Variants in SLC40A1 observed in about 807,000 individuals in gnomAD.
SLC40A1 encodes the protein ferroportin.
A neutral mutation model predicts 53.5 loss-of-function variants in SLC40A1; 16 were observed. That is an observed-to-expected ratio of 0.30 (90% CI 0.20 to 0.45). SLC40A1 has a LOEUF of 0.45. SLC40A1 is among the 20% of genes least tolerant of loss of function. The probability of loss-of-function intolerance (pLI) is 1.00; values close to 1 mark genes in which losing one functional copy is unlikely to be tolerated. For missense variants in SLC40A1, 545 were observed against 695.4 expected (o/e 0.78, Z 2.43); for synonymous variants, 247 against 253.2 (o/e 0.98, Z 0.23).
chr2:189,574,875 A>G (rs961305480), intron 3 of SLC40A1, among the ~76,000 whole-genome samples: 3 of 152,222 alleles, frequency 2.0e-5, no homozygotes, highest in African/African-American at 7.2e-5. Context: ...AATGTTTAAC[A>G]TGGTTCTCAG....
At chr2:189,575,048 C>A (rs1430914503) in intron 3 of SLC40A1, 113 bp downstream of exon 3, 3 of 1,205,524 alleles carry the variant, frequency 2.5e-6, no homozygotes, top group Middle Eastern at 2.1e-4. Flanking sequence ...TCAAGTGTGG[C>A]ATGCAGACAT....
At chr2:189,575,365 C>A (rs763155965) in intron 2 of SLC40A1, 45 bp from the exon 3 acceptor site, 1 of 1,607,326 alleles carries the variant, frequency 6.2e-7, no homozygotes, top group Non-Finnish European at 8.5e-7. Context: ...TTTTTCGTTT[C>A]TAGTCTATTG....
At chr2:189,573,363 T>C (rs1024687656) in intron 3 of SLC40A1, among the ~76,000 whole-genome samples, 2 of 152,238 alleles carry the variant, frequency 1.3e-5, no homozygotes, top group African/African-American at 4.8e-5. Context: ...TTATGAAATC[T>C]ACAACCTCCT....
rs2031434141 is a variant in SLC40A1, at chr2:189,580,533, C to T, written c.-73G>A. On this transcript the variant is annotated 5_prime_UTR_variant, in exon 1 of 8. Coordinates refer to ENST00000261024, the MANE Select transcript of SLC40A1 (RefSeq NM_014585.6). ...CTGCTCTCGCTGAGGTGCTTGTTAA[C>T]AGGAGTGCAAGGAACTGGAGATAGC... 6.2e-7 allele frequency: 1 copy of T among 1,608,886 alleles called. No individual in the cohort carries two copies. The highest frequency in any genetic ancestry group is 1.7e-5 in the Admixed American group (1 of 59,992).
At chr2:189,573,589 T>C (rs2031200795) in intron 3 of SLC40A1, among the ~76,000 whole-genome samples, 1 of 152,198 alleles carries the variant, frequency 6.6e-6, no homozygotes, top group Admixed American at 6.5e-5. Context: ...AGACACCTGG[T>C]AGCCTTTTCT....
intron 2 of SLC40A1, 96 bp downstream of exon 2, chr2:189,579,717 T>A: frequency 9.3e-7 from 1 of 1,074,118 alleles, no homozygotes; most frequent in South Asian, 1.3e-5. Flanking sequence ...CTTTAACTGC[T>A]TGACAAAACT....
intron 2 of SLC40A1, among the ~76,000 whole-genome samples, chr2:189,576,687 A>C (rs1025912658): frequency 1.3e-5 from 2 of 152,150 alleles, no homozygotes; most frequent in East Asian, 3.9e-4. Flanking sequence ...CTTTATTCTA[A>C]TCTCCATTCC....
chr2:189,579,561 T>G (rs1300478357), intron 2 of SLC40A1, among the ~76,000 whole-genome samples: 1 of 152,216 alleles, frequency 6.6e-6, no homozygotes, highest in Non-Finnish European at 1.5e-5. Flanking sequence ...AATATTCCTT[T>G]CCTTGATAAT....
At chr2:189,570,051 C>T (rs1459776001) in intron 5 of SLC40A1, among the ~76,000 whole-genome samples, 3 of 117,340 alleles carry the variant, frequency 2.6e-5, no homozygotes, top group African/African-American at 6.1e-5. Flanking sequence ...TATACACACA[C>T]CTATATATGT....
chr2:189,571,626 A>T (rs1221254908), intron 5 of SLC40A1, 89 bp downstream of exon 5: 1 of 1,549,472 alleles, frequency 6.5e-7, no homozygotes. Flanking sequence ...ACCCAGAACA[A>T]AAATACAAGG....
intron 7 of SLC40A1, among the ~76,000 whole-genome samples, chr2:189,562,598 T>C (rs2105619034): frequency 6.6e-6 from 1 of 152,294 alleles, no homozygotes; most frequent in East Asian, 1.9e-4. Context: ...CATTGTTATA[T>C]TACTGCTAGA....
At chr2:189,573,470 T>G (rs921448154) in intron 3 of SLC40A1, among the ~76,000 whole-genome samples, 2 of 152,256 alleles carry the variant, frequency 1.3e-5, no homozygotes, top group Non-Finnish European at 2.9e-5. Flanking sequence ...CTTTGCATAC[T>G]AATGCTATTT....
In SLC40A1 at chr2:189,563,652, G is replaced by A; in HGVS notation, c.1334C>T (p.Thr445Ile). 1.2e-6 allele frequency: 2 copies of A among 1,614,138 alleles called. No individual in the cohort carries two copies. Among genetic ancestry groups the A allele is most frequent in the South Asian group, 2.2e-5 (2 of 91,090 alleles). Residue 445 changes from threonine (T) to isoleucine (I), a missense_variant, in exon 7 of 8, where the codon ACA becomes ATA. By Grantham distance (89) the Thr-to-Ile change is moderately conservative (BLOSUM62 -1). Around this residue, in one of 4 missense-constraint regions of SLC40A1, gnomAD observed 234 missense variants for 299.0 expected, o/e 0.78. Transcript: ENST00000261024. ...GATTATGGGCACAGATTCAGGACTT[G>A]TCTCCGGGACAATATTAGCAGAATT... ...GSNSANIVPE[T>I]SPESVPIISV...
chr2:189,580,137 A>G (rs2031408938), intron 1 of SLC40A1, among the ~76,000 whole-genome samples: 1 of 143,386 alleles, frequency 7.0e-6, no homozygotes, highest in Non-Finnish European at 1.5e-5. Context: ...CTCTTGTTTC[A>G]GCATTCTTTT....
At chr2:189,578,309 T>C in intron 2 of SLC40A1, 1 of 1,002,420 alleles carries the variant, frequency 1.0e-6, no homozygotes, top group Non-Finnish European at 1.2e-6. Flanking sequence ...TTGCTGCTGT[T>C]TGTTTAATCC....
At chr2:189,569,962 A>ATATATATGTATGTATATATATATACACC (rs2031068328) in intron 5 of SLC40A1, among the ~76,000 whole-genome samples, 2 of 150,258 alleles carry the variant, frequency 1.3e-5, no homozygotes, top group Non-Finnish European at 3.0e-5. Flanking sequence ...TGATGTGTGT[A>ATATATATGTATGTATATATATATACACC]TATATATGTA....
intron 2 of SLC40A1, among the ~76,000 whole-genome samples, chr2:189,576,560 C>T (rs7586757): frequency 0.3 from 46,340 of 151,954 alleles, 7,256 homozygotes; most frequent in Middle Eastern, 0.36. Flanking sequence ...TTTGGCAATG[C>T]CTGGAGTAAT....
At chr2:189,573,953 T>C (rs532710687) in intron 3 of SLC40A1, among the ~76,000 whole-genome samples, 353 of 152,300 alleles carry the variant, frequency 2.3e-3, no homozygotes, top group Non-Finnish European at 4.6e-3. Context: ...TTCTTAGCTT[T>C]TGGGACCCTA....
In SLC40A1 at chr2:189,571,780, G is replaced by A; in HGVS notation, c.449C>T (p.Thr150Ile). ...CCAATCCCTTTGGATTGTGATTGCA[G>A]TAGCAGTACTGGCCAAATTTGCAAT... ...ANIANLASTATAITIQRDWIV... is the reference protein window; with the variant it reads ...ANIANLASTAIAITIQRDWIV... The change falls in exon 5 of 8, where the codon ACT becomes ATT. Residue 150 changes from threonine (T) to isoleucine (I), a missense_variant. This residue lies in a region of SLC40A1 where 197 missense variants were observed against 278.8 expected (regional missense o/e 0.71). Transcript: ENST00000261024. 1.9e-6 allele frequency: 3 copies of A among 1,613,474 alleles called. No individual in the cohort carries two copies. Among genetic ancestry groups the A allele is most frequent in the Non-Finnish European group, 2.5e-6 (3 of 1,179,532 alleles).
Sources: gnomAD v4.1 joint callset for allele counts (sites outside exome capture counted in the v4.1 genomes callset) on GRCh38, gnomAD v4.1.1 for gene constraint, gnomAD v4.1.1 regional missense constraint, MANE v1.5 for transcripts, NCBI Gene and HGNC (gene_info 2026-07-23, HGNC 2026-07-21) for gene names.